RNF114: variants seen among roughly 807,000 people sequenced by gnomAD.
RNF114 encodes ring finger protein 114.
Under a neutral mutation model 28.4 loss-of-function variants are expected in RNF114, and 6 were observed. The ratio of observed to expected loss-of-function variants is 0.21; its 90% confidence interval spans 0.12 to 0.42. RNF114 has a LOEUF of 0.42. RNF114 is among the 10% of genes least tolerant of loss of function. RNF114 has a pLI of 1.00. For synonymous variants in RNF114, 115 were observed against 116.7 expected, an observed-to-expected ratio of 0.99 and a Z score of 0.09; for missense variants, 249 against 311.7, an observed-to-expected ratio of 0.80 and a Z score of 1.51.
chr20:49,941,360 G>A (rs2090307069), intron 1 of RNF114: 1 of 516,548 alleles, frequency 1.9e-6, no homozygotes, highest in Non-Finnish European at 3.4e-6. Flanking sequence ...GTTTGCATTT[G>A]TTTCTGTAGT....
intron 2 of RNF114, chr20:49,944,428 T>G (rs530237999): frequency 6.6e-6 from 1 of 152,356 alleles, no homozygotes; most frequent in East Asian, 1.9e-4. Flanking sequence ...GATTAGTGAT[T>G]GTACTGTTGG....
At chr20:49,938,213 C>T (rs2090294954) in intron 1 of RNF114, among the ~76,000 whole-genome samples, 1 of 152,200 alleles carries the variant, frequency 6.6e-6, no homozygotes, top group Non-Finnish European at 1.5e-5. Context: ...AGGCTAGACC[C>T]AGCACAGTTT....
chr20:49,949,019 G>A (rs553497942), intron 4 of RNF114, among the ~76,000 whole-genome samples: 24 of 152,306 alleles, frequency 1.6e-4, no homozygotes, highest in Non-Finnish European at 2.6e-4. Flanking sequence ...TAGGGAATGA[G>A]AAAGGGTGGT....
intron 5 of RNF114, among the ~76,000 whole-genome samples, chr20:49,950,095 CA>C (rs1420147758): frequency 6.6e-6 from 1 of 151,840 alleles, no homozygotes; most frequent in African/African-American, 2.4e-5. Context: ...ACTAAAAATA[CA>C]AAAAAATTAG....
Position 49,953,765 on chromosome 20 carries a change from TA to T in RNF114, c.*1625del, listed in dbSNP as rs2090365738. ...ACCTCACTGGTGGCACCGAGAAACT[TA>T]CTTCCTTGTATTAAGTGCACTTCTT... is the stretch of plus-strand genomic sequence containing the variant. On this transcript the variant is annotated 3_prime_UTR_variant, in exon 6 of 6. Coordinates refer to ENST00000244061, the MANE Select transcript of RNF114 (RefSeq NM_018683.4). 1 of 152,224 alleles carries T rather than the reference TA, an allele frequency of 6.6e-6. No homozygotes were observed. Among genetic ancestry groups the T allele is most frequent in the South Asian group, 2.1e-4 (1 of 4,828 alleles). 9.4% of individuals were successfully genotyped at this position (152,224 alleles called of 1,614,324 possible). A position where few individuals can be genotyped will look rare whatever the true frequency, so the allele number is the denominator to read the frequency against.
chr20:49,951,818 G>T (rs1255964092), intron 5 of RNF114, among the ~76,000 whole-genome samples: 2 of 152,218 alleles, frequency 1.3e-5, no homozygotes, highest in African/African-American at 4.8e-5. Flanking sequence ...GGCAGAGGTT[G>T]CAGTGAGCCA....
intron 4 of RNF114, 58 bp downstream of exon 4, chr20:49,946,308 G>A (rs1364023597): frequency 5.7e-6 from 5 of 883,680 alleles, no homozygotes; most frequent in Non-Finnish European, 8.9e-6. Flanking sequence ...CAAGCTTGGA[G>A]AAAAATGACG....
chr20:49,947,769 G>GTTTTTTTTTTTTTTTTTTTTTTTTTTTTT lies in RNF114; in HGVS notation c.514-1467_514-1439dup. 4.0e-5 allele frequency among the ~76,000 whole-genome samples: 2 copies of GTTTTTTTTTTTTTTTTTTTTTTTTTTTTT among 50,476 alleles called. 1 individual carries two copies. 33.1% of individuals were successfully genotyped at this position (50,476 alleles called of 152,430 possible). A position where few individuals can be genotyped will look rare whatever the true frequency, so the allele number is the denominator to read the frequency against. On this transcript the variant is annotated intron_variant, in intron 4 of 5. Coordinates refer to ENST00000244061, the MANE Select transcript of RNF114 (RefSeq NM_018683.4). ...GTTCTGTCTTCCTCTCCCTCTGCAA[G>GTTTTTTTTTTTTTTTTTTTTTTTTTTTTT]TTTTTTTTTTTTTTTTTTTTTTTTT...
intron 5 of RNF114, among the ~76,000 whole-genome samples, chr20:49,951,474 T>A (rs1184436949): frequency 6.6e-6 from 1 of 152,164 alleles, no homozygotes; most frequent in African/African-American, 2.4e-5. Flanking sequence ...GCGTGCTCTG[T>A]TCCGACAGAC....
rs779825842 is a variant in RNF114 at position 49,949,323 on chromosome 20, C to T, written c.589C>T (p.Arg197Cys). 9.3e-6 allele frequency: 15 copies of T among 1,613,928 alleles called. No individual in the cohort carries two copies. Among genetic ancestry groups the T allele is most frequent in the Admixed American group, 3.3e-5 (2 of 60,008 alleles). The change falls in exon 5 of 6, where the codon CGC (arginine) becomes TGC (cysteine). Residue 197 changes from arginine (R) to cysteine (C), a missense_variant. Physicochemically the swap from Arg to Cys is radical, Grantham distance 180. Around this residue, in one of 2 missense-constraint regions of RNF114, gnomAD observed 126 missense variants for 205.3 expected, o/e 0.61. Transcript: ENST00000244061. ...CGCCAACTTCAGAGAGCACATCCAGCGCCGGCACCGGTTTTCTTATGACAC... is the reference window on the plus strand; with the variant it reads ...CGCCAACTTCAGAGAGCACATCCAGTGCCGGCACCGGTTTTCTTATGACAC... ...RSANFREHIQ[R>C]RHRFSYDTFV...
chr20:49,939,768 T>C (rs2090300134), intron 1 of RNF114, among the ~76,000 whole-genome samples: 1 of 150,186 alleles, frequency 6.7e-6, no homozygotes. Flanking sequence ...AAAAAAAAAC[T>C]ATAGGGCTGG....
Position 49,952,657 on chromosome 20 carries a change from G to A in RNF114, c.*516G>A, listed in dbSNP as rs1326098456. On this transcript the variant is annotated 3_prime_UTR_variant, in exon 6 of 6. Transcript: ENST00000244061. ...TGCCAGAAGCTGGGGTTGCCATCCCGGGGTACATGTCACCAGTCCTCTTGG... is the reference window on the plus strand; with the variant it reads ...TGCCAGAAGCTGGGGTTGCCATCCCAGGGTACATGTCACCAGTCCTCTTGG... The A allele has an allele frequency of 3.9e-5, 7 of 178,344 alleles. No homozygotes were observed. Among genetic ancestry groups the A allele is most frequent in the Non-Finnish European group, 5.9e-5 (5 of 85,196 alleles). 11.0% of individuals were successfully genotyped at this position (178,344 alleles called of 1,614,324 possible). A position where few individuals can be genotyped will look rare whatever the true frequency, so the allele number is the denominator to read the frequency against.
At chr20:49,939,826 G>A (rs1049803892) in intron 1 of RNF114, among the ~76,000 whole-genome samples, 3 of 151,622 alleles carry the variant, frequency 2.0e-5, no homozygotes, top group Admixed American at 6.6e-5. Flanking sequence ...AGGCCAAGAC[G>A]GGTGGATCAC....
chr20:49,951,531 G>A (rs1487882213), intron 5 of RNF114, among the ~76,000 whole-genome samples: 2 of 152,120 alleles, frequency 1.3e-5, no homozygotes, highest in East Asian at 1.9e-4. Context: ...CCATTCGTGT[G>A]CTGTCTGGGT....
chr20:49,951,958 G>T lies in RNF114; in HGVS notation c.622-118G>T, dbSNP rs540582364. 28 of 701,662 alleles carry T rather than the reference G, an allele frequency of 4.0e-5. No homozygotes were observed. The South Asian group carries it at 4.4e-4, about 11-fold the overall frequency. 43.5% of individuals were successfully genotyped at this position (701,662 alleles called of 1,614,324 possible). ...TAGCATCACAAACAGTTGCACTGGG[G>T]ATCCGGTCCCTGGCAACCTGCTCCG... On this transcript the variant is annotated intron_variant, in intron 5 of 5. Transcript: ENST00000244061.
chr20:49,946,948 G>A lies in RNF114; in HGVS notation c.513+698G>A, dbSNP rs201256511. ...AAAAAAAAAAATGTAGGCTGGGCAC[G>A]GTGGCTCACACCTGTAATCCCAGCA... is the stretch of plus-strand genomic sequence containing the variant. On this transcript the variant is annotated intron_variant, in intron 4 of 5. Coordinates refer to ENST00000244061, the MANE Select transcript of RNF114 (RefSeq NM_018683.4). Among the ~76,000 whole-genome samples the A allele has an allele frequency of 1.1e-4, 17 of 151,766 alleles. No individual in the cohort carries two copies. The East Asian group carries it at 2.7e-3, about 24-fold the overall frequency.
At chr20:49,945,962 G>T (rs542671845) in intron 3 of RNF114, among the ~76,000 whole-genome samples, 174 bp from the exon 4 acceptor site, 3 of 152,156 alleles carry the variant, frequency 2.0e-5, no homozygotes, top group Non-Finnish European at 4.4e-5. Flanking sequence ...CACCACGCCC[G>T]GCCAGCTGAG....
intron 5 of RNF114, 27 bp from the exon 6 acceptor site, chr20:49,952,049 A>G: frequency 6.3e-7 from 1 of 1,580,116 alleles, no homozygotes; most frequent in Non-Finnish European, 8.7e-7. Context: ...ACAGTTGCTG[A>G]GGCTGCATGT....
chr20:49,947,778 T>TGTTTTTTTTGTTTTTTTG (rs2090339152), intron 4 of RNF114, among the ~76,000 whole-genome samples: 2 of 23,328 alleles, frequency 8.6e-5, no homozygotes, highest in African/African-American at 3.7e-4. Context: ...AGTTTTTTTT[T>TGTTTTTTTTGTTTTTTTG]TTTTTTTTTT....
Sources: allele counts gnomAD v4.1 joint callset (sites outside exome capture counted in the v4.1 genomes callset), GRCh38; gene constraint gnomAD v4.1.1; regional missense constraint gnomAD v4.1.1; transcripts MANE v1.5; gene names NCBI Gene and HGNC (gene_info 2026-07-23, HGNC 2026-07-21).